DCUN1D1: variants seen among roughly 807,000 people sequenced by gnomAD.
DCUN1D1 encodes the protein defective in cullin neddylation 1 domain containing 1.
A neutral mutation model predicts 39.0 loss-of-function variants in DCUN1D1; 3 were observed. The observed-to-expected ratio is 0.08, with a 90% CI of 0.04 to 0.20. DCUN1D1 has a LOEUF of 0.20. Ranked by LOEUF, DCUN1D1 falls within the 10% of genes least tolerant of loss-of-function variation. The pLI is 1.00. For synonymous variants in DCUN1D1, 82 were observed against 96.3 expected, an observed-to-expected ratio of 0.85 and a Z score of 0.87; for missense variants, 158 against 302.4, an observed-to-expected ratio of 0.52 and a Z score of 3.54.
chr3:182,954,654 C>A (rs1268142651), intron 4 of DCUN1D1, among the ~76,000 whole-genome samples: 1 of 152,060 alleles, frequency 6.6e-6, no homozygotes, highest in East Asian at 1.9e-4. Flanking sequence ...TATAAAAATA[C>A]AAATAAAAAT....
intron 2 of DCUN1D1, among the ~76,000 whole-genome samples, chr3:182,964,891 G>C (rs368722991): frequency 6.6e-6 from 1 of 151,644 alleles, no homozygotes; most frequent in African/African-American, 2.4e-5. Context: ...TGACCACCTC[G>C]GCCTCCCAAA....
chr3:182,956,313 A>G, intron 4 of DCUN1D1: 1 of 263,208 alleles, frequency 3.8e-6, no homozygotes, highest in South Asian at 5.1e-5. Context: ...CTCATCACCA[A>G]AACCCCAATC....
Position 182,941,539 on chromosome 3 carries a change from T to G in DCUN1D1, c.*3555A>C, listed in dbSNP as rs1553836880. The G allele has an allele frequency of 6.6e-6, 1 of 152,092 alleles. No homozygotes were observed. Among genetic ancestry groups the G allele is most frequent in the Non-Finnish European group, 1.5e-5 (1 of 67,962 alleles). The allele number at this position is 152,092 out of a possible 1,614,324, so 9.4% of individuals were successfully genotyped here. Reference sequence around the variant, plus strand: ...CACAATTCAGGTTTTGTGTCCCCATTTATATGTTAAATAGTTCACATTTAA... The same window carrying G: ...CACAATTCAGGTTTTGTGTCCCCATGTATATGTTAAATAGTTCACATTTAA... On this transcript the variant is annotated 3_prime_UTR_variant, in exon 7 of 7. Coordinates refer to ENST00000292782, the MANE Select transcript of DCUN1D1 (RefSeq NM_020640.4).
upstream of DCUN1D1, chr3:182,980,589 T>C (rs1728496844): frequency 8.9e-7 from 1 of 1,127,426 alleles, no homozygotes; most frequent in South Asian, 3.1e-5. Flanking sequence ...CGGCTCCCGC[T>C]CATGCGCAGT....
chr3:182,963,246 TAGG>T lies in DCUN1D1; in HGVS notation c.389+632_389+634del, dbSNP rs574706131. 1.6e-3 allele frequency among the ~76,000 whole-genome samples: 249 copies of T among 152,258 alleles called. 2 individuals carry two copies. Among genetic ancestry groups the T allele is most frequent in the Middle Eastern group, 6.8e-3 (2 of 294 alleles). On this transcript the variant is annotated intron_variant, in intron 3 of 6. Coordinates refer to ENST00000292782, the MANE Select transcript of DCUN1D1 (RefSeq NM_020640.4). ...TTCTCAAAAAGTTGCTGTGAAGAGG[TAGG>T]AGAAGTACTTAGCACAGTTAACTGA... is the stretch of plus-strand genomic sequence containing the variant.
chr3:182,974,297 TGATA>T lies in DCUN1D1; in HGVS notation c.3+6186_3+6189del, dbSNP rs1728097987. On this transcript the variant is annotated intron_variant, in intron 1 of 6. Transcript: ENST00000292782. Reference sequence around the variant, plus strand: ...AGTTATTTTTGCTAATTTCTGATTATGATAAATAAAAAATAACCATCTTAAAATA... The same window carrying T: ...AGTTATTTTTGCTAATTTCTGATTATAATAAAAAATAACCATCTTAAAATA... Among the ~76,000 whole-genome samples, 4 of 152,286 alleles carry T rather than the reference TGATA, an allele frequency of 2.6e-5. No homozygotes were observed. In the South Asian group the frequency reaches 8.3e-4, roughly 32 times the overall value.
chr3:182,978,370 G>A (rs1265639633), intron 1 of DCUN1D1, among the ~76,000 whole-genome samples: 1 of 151,594 alleles, frequency 6.6e-6, no homozygotes, highest in Non-Finnish European at 1.5e-5. Flanking sequence ...AGGGCCAGTG[G>A]TGAGTCTCTT....
intron 1 of DCUN1D1, among the ~76,000 whole-genome samples, chr3:182,973,635 C>A (rs922743341): frequency 6.6e-6 from 1 of 151,548 alleles, no homozygotes; most frequent in Non-Finnish European, 1.5e-5. Flanking sequence ...GGTGAAACCC[C>A]GTCTCTACTA....
intron 4 of DCUN1D1, 32 bp downstream of exon 4, chr3:182,961,194 A>C (rs1402741740): frequency 7.1e-7 from 1 of 1,405,200 alleles, no homozygotes; most frequent in Non-Finnish European, 9.8e-7. Flanking sequence ...AATATATCTG[A>C]AACACCAAAT....
chr3:182,971,006 G>A (rs1727908582), intron 1 of DCUN1D1, among the ~76,000 whole-genome samples: 2 of 152,196 alleles, frequency 1.3e-5, no homozygotes, highest in South Asian at 4.1e-4. Flanking sequence ...ATCTAGGTAG[G>A]AGTAGCTCTA....
chr3:182,985,045 A>C (rs1728682405), upstream of DCUN1D1, among the ~76,000 whole-genome samples: 1 of 152,236 alleles, frequency 6.6e-6, no homozygotes, highest in African/African-American at 2.4e-5. Flanking sequence ...CATAAGGGTA[A>C]ATGCGATTGA....
At position 182,974,667 on chromosome 3, in the gene DCUN1D1, CAT is replaced by C. The variant is rs572964752; in HGVS notation, c.3+5818_3+5819del. ...TAGAATCCTCTGAATAAACACTCCA[CAT>C]GTTTATTAAAATGAAAATACTCTAA... On this transcript the variant is annotated intron_variant, in intron 1 of 6. Transcript: ENST00000292782. Among the ~76,000 whole-genome samples, 342 of 151,898 alleles carry C rather than the reference CAT, an allele frequency of 2.3e-3. 3 individuals carry two copies. Among genetic ancestry groups the C allele is most frequent in the Middle Eastern group, 0.01 (3 of 294 alleles).
chr3:182,950,004 C>A (rs570082393), intron 4 of DCUN1D1, among the ~76,000 whole-genome samples: 1 of 152,136 alleles, frequency 6.6e-6, no homozygotes, highest in Non-Finnish European at 1.5e-5. Flanking sequence ...AGGATAAGCC[C>A]CTTATAGCTC....
chr3:182,965,584 C>G lies in DCUN1D1; in HGVS notation c.173G>C (p.Gly58Ala). 6.2e-7 allele frequency: 1 copy of G among 1,613,742 alleles called. No homozygotes were observed. The highest frequency in any genetic ancestry group is 1.7e-5 in the Admixed American group (1 of 60,006). ...TTCTAACTTCTTCCTGTCCAATGAT[C>G]CTTTTACACTCTCTCGTATATAAAG... ...PELYIRESVK[G>A]SLDRKKLEQL... is the part of the protein sequence containing the mutation. The change falls in exon 2 of 7, where the codon GGA becomes GCA. Residue 58 changes from glycine (G) to alanine (A), a missense_variant. Gly to Ala is a moderately conservative substitution (Grantham distance 60). This residue lies in a region of DCUN1D1 where 107 missense variants were observed against 174.7 expected (regional missense o/e 0.61). Coordinates refer to ENST00000292782, the MANE Select transcript of DCUN1D1 (RefSeq NM_020640.4).
At chr3:182,967,018 A>T (rs998289216) in intron 1 of DCUN1D1, among the ~76,000 whole-genome samples, 2 of 152,082 alleles carry the variant, frequency 1.3e-5, no homozygotes, top group South Asian at 2.1e-4. Flanking sequence ...GAGGCAGAAG[A>T]ACTGCTTGAA....
chr3:182,953,342 T>C (rs545337240), intron 4 of DCUN1D1, among the ~76,000 whole-genome samples: 1 of 152,308 alleles, frequency 6.6e-6, no homozygotes, highest in Non-Finnish European at 1.5e-5. Context: ...AAAATGTTAA[T>C]TGTCACAGGT....
intron 6 of DCUN1D1, among the ~76,000 whole-genome samples, chr3:182,946,604 C>G (rs890091980): frequency 4.8e-5 from 7 of 144,442 alleles, no homozygotes; most frequent in African/African-American, 1.8e-4. Context: ...GAATTTACAA[C>G]CAAGCTTATA....
At chr3:182,972,543 G>A (rs1308681353) in intron 1 of DCUN1D1, among the ~76,000 whole-genome samples, 1 of 151,742 alleles carries the variant, frequency 6.6e-6, no homozygotes, top group East Asian at 1.9e-4. Flanking sequence ...TTGGGAGGTC[G>A]AGGGAGGAGG....
chr3:182,960,760 A>G (rs1313432666), intron 4 of DCUN1D1, among the ~76,000 whole-genome samples: 1 of 152,244 alleles, frequency 6.6e-6, no homozygotes, highest in Middle Eastern at 3.2e-3. Context: ...TTTCTGGATA[A>G]TAAGACTATG....
Sources: gnomAD v4.1 joint callset for allele counts (sites outside exome capture counted in the v4.1 genomes callset) on GRCh38, gnomAD v4.1.1 for gene constraint, gnomAD v4.1.1 regional missense constraint, MANE v1.5 for transcripts, NCBI Gene and HGNC (gene_info 2026-07-23, HGNC 2026-07-21) for gene names.